The following RPH3AL variants were observed in gnomAD, a reference collection of about 807,000 sequenced individuals.
RPH3AL encodes the protein rab effector Noc2.
In RPH3AL, 38 loss-of-function variants were observed where a neutral mutation model predicts 43.1. That is an observed-to-expected ratio of 0.88 (90% CI 0.68 to 1.15). The LOEUF is 1.15. Among genes scored for constraint, RPH3AL ranks in the 50% most tolerant of loss-of-function variants. The pLI is 0.00. For missense variants in RPH3AL, 462 were observed against 423.2 expected (o/e 1.09, Z -0.81); for synonymous variants, 189 against 176.3 (o/e 1.07, Z -0.57).
At chr17:275,962 A>G (rs1324968391) in intron 6 of RPH3AL, among the ~76,000 whole-genome samples, 2 of 152,326 alleles carry the variant, frequency 1.3e-5, no homozygotes, top group South Asian at 2.1e-4. Context: ...AATGGAATGG[A>G]AAGTCCAGAG....
At chr17:276,916 T>G (rs2042669207) in intron 6 of RPH3AL, among the ~76,000 whole-genome samples, 1 of 152,200 alleles carries the variant, frequency 6.6e-6, no homozygotes, top group Non-Finnish European at 1.5e-5. Context: ...TGGTCTTTTT[T>G]GTATAAAGGC....
At chr17:272,870 G>C (rs528580640) in intron 6 of RPH3AL, among the ~76,000 whole-genome samples, 3 of 151,884 alleles carry the variant, frequency 2.0e-5, no homozygotes, top group African/African-American at 7.3e-5. Context: ...GGGGCCAGAA[G>C]GAAGAAATAA....
In RPH3AL at chr17:258,757, G is replaced by GTTTTTTTTTTTTTTTTTTTTTT. The variant is rs372761475; in HGVS notation, c.439-11473_439-11472insAAAAAAAAAAAAAAAAAAAAAA. ...TCAGCCATTTTGGGATAGTCAACCC[G>GTTTTTTTTTTTTTTTTTTTTTT]TTTTTTTTTTTTTTTTTTTTTGAGA... On this transcript the variant is annotated intron_variant, in intron 6 of 9. Transcript: ENST00000331302. 7.1e-5 allele frequency among the ~76,000 whole-genome samples: 7 copies of GTTTTTTTTTTTTTTTTTTTTTT among 98,770 alleles called. 2 individuals are homozygous for GTTTTTTTTTTTTTTTTTTTTTT. Among genetic ancestry groups the GTTTTTTTTTTTTTTTTTTTTTT allele is most frequent in the Non-Finnish European group, 1.3e-4 (6 of 47,482 alleles). 64.8% of individuals were successfully genotyped at this position (98,770 alleles called of 152,430 possible).
At chr17:329,478 A>T (rs1439866625) in intron 2 of RPH3AL, among the ~76,000 whole-genome samples, 1 of 152,222 alleles carries the variant, frequency 6.6e-6, no homozygotes, top group Non-Finnish European at 1.5e-5. Flanking sequence ...CTCCGTCTCA[A>T]AAAATATATA....
intron 8 of RPH3AL, among the ~76,000 whole-genome samples, chr17:216,493 G>A (rs1210523486): frequency 2.0e-5 from 3 of 152,154 alleles, no homozygotes; most frequent in South Asian, 2.1e-4. Context: ...GCCTGGCCAA[G>A]AGAGCAGACG....
chr17:271,830 C>T (rs1370801399), intron 6 of RPH3AL, among the ~76,000 whole-genome samples: 1 of 152,192 alleles, frequency 6.6e-6, no homozygotes, highest in East Asian at 1.9e-4. Context: ...CGAGAGAGGG[C>T]ATCCCTGTCT....
intron 6 of RPH3AL, among the ~76,000 whole-genome samples, chr17:259,374 C>T (rs560509511): frequency 1.3e-5 from 2 of 152,320 alleles, no homozygotes; most frequent in East Asian, 3.9e-4. Context: ...AAGGACCCCA[C>T]ACCCACAGGC....
At chr17:321,084 C>A (rs150986452) in intron 4 of RPH3AL, among the ~76,000 whole-genome samples, 188 bp downstream of exon 4, 1 of 152,166 alleles carries the variant, frequency 6.6e-6, no homozygotes, top group African/African-American at 2.4e-5. Flanking sequence ...GAGGCCTCAG[C>A]GGGCTGGGTT....
intron 7 of RPH3AL, among the ~76,000 whole-genome samples, chr17:231,091 G>C (rs1157726260): frequency 6.6e-6 from 1 of 152,022 alleles, no homozygotes; most frequent in East Asian, 1.9e-4. Context: ...GTGTTTCTTG[G>C]TTCCTCCTTC....
chr17:229,247 C>G lies in RPH3AL; in HGVS notation c.614-9511G>C, dbSNP rs141013825. ...CAGCTCCTACCAATGCCTGCCTCAA[C>G]TTCCTCAACATATTCAGGCACCACT... On this transcript the variant is annotated intron_variant, in intron 7 of 9. Transcript: ENST00000331302. 3.4e-3 allele frequency among the ~76,000 whole-genome samples: 520 copies of G among 152,298 alleles called. 2 individuals carry two copies. Among genetic ancestry groups the G allele is most frequent in the African/African-American group, 0.012 (501 of 41,566 alleles).
At chr17:227,505 T>C (rs941054013) in intron 7 of RPH3AL, among the ~76,000 whole-genome samples, 1 of 152,126 alleles carries the variant, frequency 6.6e-6, no homozygotes, top group Non-Finnish European at 1.5e-5. Flanking sequence ...CAGGCTCTGC[T>C]CAGCCACCAC....
chr17:273,043 C>CGTCAGGGAGAGACCCCAGCAAGGGTGAT (rs2042539982), intron 6 of RPH3AL, among the ~76,000 whole-genome samples: 6 of 104,348 alleles, frequency 5.7e-5, no homozygotes, highest in African/African-American at 8.9e-5. Flanking sequence ...GCGAGGGCGA[C>CGTCAGGGAGAGACCCCAGCAAGGGTGAT]GTCAGGGAGA....
chr17:310,424 T>G (rs574908868), intron 5 of RPH3AL, among the ~76,000 whole-genome samples: 31 of 152,224 alleles, frequency 2.0e-4, no homozygotes, highest in African/African-American at 7.0e-4. Context: ...GGCTCTGTCC[T>G]CCCCAACCAT....
chr17:257,159 T>C (rs373223273), intron 6 of RPH3AL, among the ~76,000 whole-genome samples: 4,088 of 22,382 alleles, frequency 0.18, 2 homozygotes, highest in African/African-American at 0.34. Flanking sequence ...TCCCTAGGAA[T>C]GTGACTACCC....
rs1310502725 is a variant in RPH3AL at position 253,689 on chromosome 17, G to T, written c.439-6404C>A. On this transcript the variant is annotated intron_variant, in intron 6 of 9. Coordinates refer to ENST00000331302, the MANE Select transcript of RPH3AL (RefSeq NM_006987.4). ...GTCCCTAGGAACGTTACTACCCTAC[G>T]TACTTCCTATGAGGGGAGCCGCACG... Among the ~76,000 whole-genome samples, 12 of 136,786 alleles carry T rather than the reference G, an allele frequency of 8.8e-5. 1 individual carries two copies. The highest frequency in any genetic ancestry group is 2.9e-4 in the African/African-American group (10 of 34,734). 89.7% of individuals were successfully genotyped at this position (136,786 alleles called of 152,430 possible).
chr17:321,230 C>T (rs1330603467), intron 4 of RPH3AL, 42 bp downstream of exon 4: 2 of 1,587,362 alleles, frequency 1.3e-6, no homozygotes, highest in African/African-American at 2.7e-5. Context: ...GCGCCAAAGC[C>T]CTTGCTGTCC....
chr17:312,448 G>A (rs937428249), intron 5 of RPH3AL, among the ~76,000 whole-genome samples: 18 of 152,172 alleles, frequency 1.2e-4, no homozygotes, highest in Non-Finnish European at 2.9e-5. Context: ...AGAATTTCGT[G>A]CCTCCAAACT....
intron 5 of RPH3AL, among the ~76,000 whole-genome samples, chr17:314,548 G>A (rs112421379): frequency 0.013 from 1,418 of 107,320 alleles, 21 homozygotes; most frequent in African/African-American, 0.052. Context: ...CCATTGACCT[G>A]TAGTCTCTGT....
rs1258634374 is a variant in RPH3AL at position 345,940 on chromosome 17, A to G, written c.-213+6772T>C. Among the ~76,000 whole-genome samples, 4 of 135,218 alleles carry G rather than the reference A, an allele frequency of 3.0e-5. 1 individual carries two copies. The highest frequency in any genetic ancestry group is 1.0e-4 in the African/African-American group (4 of 39,548). 88.7% of individuals were successfully genotyped at this position (135,218 alleles called of 152,430 possible). ...TGCCAGTGGGCTCTGAGTCTCGAAG[A>G]CCAGGACATAAGGGAAACACAAAAT... is the stretch of plus-strand genomic sequence containing the variant. On this transcript the variant is annotated intron_variant, in intron 1 of 9. Coordinates refer to ENST00000331302, the MANE Select transcript of RPH3AL (RefSeq NM_006987.4).
Sources: allele counts gnomAD v4.1 joint callset (sites outside exome capture counted in the v4.1 genomes callset), GRCh38; gene constraint gnomAD v4.1.1; transcripts MANE v1.5; gene names NCBI Gene and HGNC (gene_info 2026-07-23, HGNC 2026-07-21).